The following PCDHGA1 variants were observed in gnomAD, a reference collection of about 807,000 sequenced individuals.
The protein encoded by PCDHGA1 is protocadherin gamma subfamily A, 1, also known as protocadherin gamma-A1.
Under a neutral mutation model 58.0 loss-of-function variants are expected in PCDHGA1, and 32 were observed. That is an observed-to-expected ratio of 0.55 (90% CI 0.42 to 0.74). The LOEUF is 0.74. Among genes scored for constraint, PCDHGA1 ranks in the 30% least tolerant of loss-of-function variants. The probability of loss-of-function intolerance (pLI) is 0.00; values close to 1 mark genes in which losing one functional copy is unlikely to be tolerated. For missense variants in PCDHGA1, 1,205 were observed against 1,182.3 expected (o/e 1.02, Z -0.28); for synonymous variants, 498 against 501.1 (o/e 0.99, Z 0.08).
In PCDHGA1 at chr5:141,433,198, A is replaced by G. The variant is rs373769649; in HGVS notation, c.2422-61609A>G. 11 of 1,581,706 alleles carry G rather than the reference A, an allele frequency of 7.0e-6. No individual in the cohort carries two copies. The African/African-American group carries it at 1.1e-4, about 16-fold the overall frequency. On this transcript the variant is annotated intron_variant, in intron 1 of 3. Coordinates refer to ENST00000517417, the MANE Select transcript of PCDHGA1 (RefSeq NM_018912.3). ...GGTTAATTGAGGTGAGTTTATATCA[A>G]ATCTTCTTTCTTTTTTTTTTTTAAT...
intron 1 of PCDHGA1, chr5:141,394,181 C>T (rs1232533966): frequency 1.2e-6 from 2 of 1,613,928 alleles, no homozygotes; most frequent in East Asian, 4.5e-5. Flanking sequence ...CTCATGCCTC[C>T]TACTCAGCGT....
chr5:141,420,018 G>T, intron 1 of PCDHGA1: 2 of 1,614,066 alleles, frequency 1.2e-6, no homozygotes, highest in African/African-American at 2.7e-5. Flanking sequence ...CAGTCTTTCA[G>T]CCCTACTGCA....
chr5:141,376,553 G>A (rs746063311), intron 1 of PCDHGA1: 3 of 1,610,808 alleles, frequency 1.9e-6, no homozygotes, highest in Admixed American at 1.7e-5. Context: ...TGATCTTCCC[G>A]CAACCCAACT....
chr5:141,404,540 A>G, intron 1 of PCDHGA1: 2 of 1,613,920 alleles, frequency 1.2e-6, no homozygotes, highest in Non-Finnish European at 1.7e-6. Context: ...AGATTTGCAA[A>G]TGCAGGTGAC....
At chr5:141,393,147 G>A in intron 1 of PCDHGA1, 2 of 1,613,298 alleles carry the variant, frequency 1.2e-6, no homozygotes, top group Non-Finnish European at 1.7e-6. Flanking sequence ...CCTGGTTGAG[G>A]ATAAAGGAAA....
intron 1 of PCDHGA1, chr5:141,366,436 C>G: frequency 1.9e-6 from 3 of 1,614,194 alleles, no homozygotes; most frequent in Non-Finnish European, 2.5e-6. Flanking sequence ...CAGTCTCCTG[C>G]GTCTTCCTGG....
rs1429394542 is a variant in PCDHGA1, at chr5:141,331,004, A to G, written c.320A>G (p.Asn107Ser). The change falls in exon 1 of 4, where the codon AAT becomes AGT. Residue 107 changes from asparagine to serine, a missense_variant. Physicochemically the swap from Asn to Ser is conservative, Grantham distance 46 (BLOSUM62 1). Transcript: ENST00000517417. ...AQSMPCLVSF[N>S]ILVEDKMKLF... is the part of the protein sequence containing the mutation. ...AGCATGCCGTGTCTCGTGAGTTTTA[A>G]TATCCTTGTTGAGGATAAAATGAAG... 1.2e-6 allele frequency: 2 copies of G among 1,614,112 alleles called. No homozygotes were observed. Among genetic ancestry groups the G allele is most frequent in the Non-Finnish European group, 1.7e-6 (2 of 1,180,054 alleles).
At chr5:141,428,613 C>T (rs1247239314) in intron 1 of PCDHGA1, 1 of 212,608 alleles carries the variant, frequency 4.7e-6, no homozygotes, top group African/African-American at 2.3e-5. Flanking sequence ...AAGAGAATAA[C>T]AAGATAAGCT....
At position 141,512,644 on chromosome 5, in the gene PCDHGA1, G is replaced by T. The variant is rs1283774989; in HGVS notation, c.*1471G>T. Reference sequence around the variant, plus strand: ...ACCCCAGACCTGCCCTTACAGTAGTGTAGCGCCCCCTCCCTCTTTCGGCTG... The same window carrying T: ...ACCCCAGACCTGCCCTTACAGTAGTTTAGCGCCCCCTCCCTCTTTCGGCTG... On this transcript the variant is annotated 3_prime_UTR_variant, in exon 4 of 4. Coordinates refer to ENST00000517417, the MANE Select transcript of PCDHGA1 (RefSeq NM_018912.3). 1 of 152,528 alleles carries T rather than the reference G, an allele frequency of 6.6e-6. No individual in the cohort carries two copies. The allele number at this position is 152,528 out of a possible 1,614,324, so 9.4% of individuals were successfully genotyped here.
At chr5:141,484,506 G>T (rs1442936814) in intron 1 of PCDHGA1, among the ~76,000 whole-genome samples, 1 of 152,186 alleles carries the variant, frequency 6.6e-6, no homozygotes, top group Non-Finnish European at 1.5e-5. Context: ...TGAATATTCT[G>T]CAGAAGGGCA....
rs373553221 is a variant in PCDHGA1, at chr5:141,361,821, G to A, written c.2421+28716G>A. The A allele has an allele frequency of 7.4e-6, 12 of 1,613,026 alleles. No individual in the cohort carries two copies. The African/African-American group carries it at 1.6e-4, about 21-fold the overall frequency. On this transcript the variant is annotated intron_variant, in intron 1 of 3. Transcript: ENST00000517417. ...ACCTCAATGACAATGCGCCACGGGT[G>A]CTGTACCCCGCGCTGGGGCCTGATG...
intron 1 of PCDHGA1, chr5:141,376,577 C>T (rs1231719593): frequency 6.3e-6 from 10 of 1,592,924 alleles, no homozygotes; most frequent in Admixed American, 1.7e-5. Flanking sequence ...CAGACAGGCT[C>T]ATCAGCTAGA....
At chr5:141,500,152 A>C (rs1301287171) in intron 2 of PCDHGA1, among the ~76,000 whole-genome samples, 1 of 151,610 alleles carries the variant, frequency 6.6e-6, no homozygotes, top group African/African-American at 2.4e-5. Flanking sequence ...TTCTTTGTGT[A>C]ATCAAAGAAC....
chr5:141,465,781 T>G (rs2099109506), intron 1 of PCDHGA1, among the ~76,000 whole-genome samples: 1 of 150,278 alleles, frequency 6.7e-6, no homozygotes, highest in Non-Finnish European at 1.5e-5. Context: ...TTGTTACAGT[T>G]TTTTTTTTTT....
Position 141,489,375 on chromosome 5 carries a change from G to C in PCDHGA1, c.2422-5432G>C. On this transcript the variant is annotated intron_variant, in intron 1 of 3. Coordinates refer to ENST00000517417, the MANE Select transcript of PCDHGA1 (RefSeq NM_018912.3). The surrounding 1 kb of genome is among the most constrained non-coding windows in gnomAD (Gnocchi z 4.5). ...AGGAGTCTGAGCCGGGGACGCTGGT[G>C]GGGAATGTTGCTCAGGATCTGGGCT... 1 of 1,613,826 alleles carries C rather than the reference G, an allele frequency of 6.2e-7. No homozygotes were observed.
rs138463062 is a variant in PCDHGA1 at position 141,485,217 on chromosome 5, C to G, written c.2422-9590C>G. 6.8e-6 allele frequency: 11 copies of G among 1,613,996 alleles called. No individual in the cohort carries two copies. Among genetic ancestry groups the G allele is most frequent in the Non-Finnish European group, 9.3e-6 (11 of 1,179,978 alleles). ...AGCTGGACAGAAATCTGGCGGTGGGCTACCCTTTTGTTCCTCTTTTACCAC... is the reference window on the plus strand; with the variant it reads ...AGCTGGACAGAAATCTGGCGGTGGGGTACCCTTTTGTTCCTCTTTTACCAC... On this transcript the variant is annotated intron_variant, in intron 1 of 3. Coordinates refer to ENST00000517417, the MANE Select transcript of PCDHGA1 (RefSeq NM_018912.3). This position sits in a 1 kb window ranked among gnomAD's most constrained non-coding sequence, Gnocchi z 5.7.
chr5:141,331,481 C>A lies in PCDHGA1; in HGVS notation c.797C>A (p.Ala266Asp). ...PLGTQLLMVN[A>D]TDPDEGANGE... ...GGTACTCAGCTGCTCATGGTAAATG[C>A]CACTGACCCTGATGAGGGAGCCAAT... is the stretch of plus-strand genomic sequence containing the variant. Residue 266 changes from alanine (A) to aspartate (D), a missense_variant, in exon 1 of 4, where the codon GCC becomes GAC. Transcript: ENST00000517417. 1.2e-6 allele frequency: 2 copies of A among 1,614,128 alleles called. No individual in the cohort carries two copies. The highest frequency in any genetic ancestry group is 1.7e-6 in the Non-Finnish European group (2 of 1,180,038).
At chr5:141,381,820 C>CTTTCTTTCTTTCTTTCT (rs1279410534) in intron 1 of PCDHGA1, among the ~76,000 whole-genome samples, 49 of 119,880 alleles carry the variant, frequency 4.1e-4, no homozygotes, top group African/African-American at 1.5e-3. Flanking sequence ...TTCTTTCTTT[C>CTTTCTTTCTTTCTTTCT]TTCTTCTTTT....
At chr5:141,386,956 G>A (rs1561613070) in intron 1 of PCDHGA1, among the ~76,000 whole-genome samples, 1 of 152,208 alleles carries the variant, frequency 6.6e-6, no homozygotes, top group Non-Finnish European at 1.5e-5. Context: ...CTTCAGTGCA[G>A]CAGATCTCAG....
Sources: gnomAD v4.1 joint callset for allele counts (sites outside exome capture counted in the v4.1 genomes callset) on GRCh38, gnomAD v4.1.1 for gene constraint, Gnocchi (gnomAD v3.1) non-coding constraint, MANE v1.5 for transcripts, NCBI Gene and HGNC (gene_info 2026-07-23, HGNC 2026-07-21) for gene names.